Variants in ROS1 observed in about 807,000 individuals in gnomAD.
ROS1 encodes the protein proto-oncogene tyrosine-protein kinase ROS.
ROS1 carries 263 observed loss-of-function variants against 273.5 expected under a neutral mutation model. The observed-to-expected ratio is 0.96, with a 90% confidence interval of 0.87 to 1.06. The LOEUF (loss-of-function observed/expected upper bound fraction) is 1.06, where lower values mean the gene tolerates loss of function less well. Among genes scored for constraint, ROS1 ranks in the 50% least tolerant of loss-of-function variants. ROS1 has a pLI of 0.00. For missense variants in ROS1, 2,833 were observed against 2,751.1 expected (o/e 1.03, Z -0.67); for synonymous variants, 1,008 against 954.1 (o/e 1.06, Z -1.04).
At chr6:117,407,012 C>T (rs1345331225) in intron 5 of ROS1, among the ~76,000 whole-genome samples, 1 of 106,578 alleles carries the variant, frequency 9.4e-6, no homozygotes, top group Non-Finnish European at 1.9e-5. Context: ...CACATCAGTG[C>T]ACAGCTTGGA....
intron 4 of ROS1, among the ~76,000 whole-genome samples, chr6:117,410,664 T>A (rs1486956794): frequency 1.3e-5 from 2 of 152,176 alleles, no homozygotes; most frequent in Non-Finnish European, 2.9e-5. Flanking sequence ...TCTTTCAACT[T>A]GTAACTATAA....
rs2128582242 is a variant in ROS1, at chr6:117,326,375, C to A, written c.5388G>T (p.Arg1796Ser). 1.3e-6 allele frequency: 2 copies of A among 1,561,394 alleles called. No homozygotes were observed. Among genetic ancestry groups the A allele is most frequent in the Non-Finnish European group, 8.6e-7 (1 of 1,162,374 alleles). ...AGGATCCATTAAATGTCATCTTCCA[C>A]CTTAAATTCTGGTTCTGTAAATTAT... is the stretch of plus-strand genomic sequence containing the variant. The part of the protein sequence containing the change: ...TSNNLQNQNL[R>S]WKMTFNGSCS... The change falls in exon 34 of 44, where the codon AGG (arginine) becomes AGT (serine). Residue 1796 changes from arginine (R) to serine (S), a missense_variant. Arg to Ser is a moderately radical substitution (Grantham distance 110). Coordinates refer to ENST00000368507, the MANE Select transcript of ROS1 (RefSeq NM_001378902.1).
At chr6:117,321,234 C>T in intron 36 of ROS1, 25 bp downstream of exon 36, 1 of 1,606,780 alleles carries the variant, frequency 6.2e-7, no homozygotes, top group South Asian at 1.1e-5. Context: ...CTAGGTGCTC[C>T]ATAATGATGG....
At chr6:117,402,731 T>C (rs1774046454) in intron 7 of ROS1, among the ~76,000 whole-genome samples, 1 of 151,384 alleles carries the variant, frequency 6.6e-6, no homozygotes, top group Non-Finnish European at 1.5e-5. Context: ...CCACTAAAAA[T>C]ACAAAAAATT....
chr6:117,321,549 TA>T (rs1256316988), intron 35 of ROS1, among the ~76,000 whole-genome samples, 155 bp from the exon 36 acceptor site: 1 of 152,124 alleles, frequency 6.6e-6, no homozygotes, highest in East Asian at 1.9e-4. Context: ...AAATATCTTA[TA>T]AAAAACTAAT....
intron 43 of ROS1, 68 bp from the exon 44 acceptor site, chr6:117,288,870 A>G: frequency 7.8e-7 from 1 of 1,287,124 alleles, no homozygotes. Context: ...TATACAAGCT[A>G]TATCAGAATT....
In ROS1 at chr6:117,360,345, A is replaced by G. The variant is rs1429075405; in HGVS notation, c.3427T>C (p.Ser1143Pro). The G allele has an allele frequency of 6.2e-7, 1 of 1,612,458 alleles. No homozygotes were observed. The highest frequency in any genetic ancestry group is 1.3e-5 in the African/African-American group (1 of 74,780). The change falls in exon 23 of 44, where the codon TCA becomes CCA. Residue 1143 changes from serine to proline, a missense_variant. Coordinates refer to ENST00000368507, the MANE Select transcript of ROS1 (RefSeq NM_001378902.1). ...ACAGATTTTAGAAAACAAATACCTG[A>G]TGTTGTAGACTTTACAACGTCAGCA... ...PYADVVKSTTSEINPFPHLIT... is the reference protein window; with the variant it reads ...PYADVVKSTTPEINPFPHLIT...
At chr6:117,424,224 TA>T (rs1018059788) in intron 1 of ROS1, among the ~76,000 whole-genome samples, 4 of 152,038 alleles carry the variant, frequency 2.6e-5, no homozygotes, top group Admixed American at 2.0e-4. Context: ...ATTCTGTTTC[TA>T]AAAAAATCTC....
chr6:117,390,245 C>T (rs1261576596), intron 12 of ROS1, among the ~76,000 whole-genome samples: 1 of 152,126 alleles, frequency 6.6e-6, no homozygotes, highest in Non-Finnish European at 1.5e-5. Flanking sequence ...TCCCACACCT[C>T]AGTATCCCAT....
intron 38 of ROS1, 59 bp from the exon 39 acceptor site, chr6:117,317,331 G>T (rs1233166345): frequency 6.4e-7 from 1 of 1,552,878 alleles, no homozygotes; most frequent in Admixed American, 1.9e-5. Flanking sequence ...CCTAGCCGAG[G>T]GTCTTTATGG....
chr6:117,306,012 T>TACAACTCTTC (rs1775068756), intron 42 of ROS1, among the ~76,000 whole-genome samples: 1 of 149,560 alleles, frequency 6.7e-6, no homozygotes, highest in Admixed American at 6.7e-5. Flanking sequence ...GCAAACTCTT[T>TACAACTCTTC]ACAACTCTTC....
chr6:117,406,182 CAT>C (rs758234408), intron 5 of ROS1, among the ~76,000 whole-genome samples: 10 of 151,940 alleles, frequency 6.6e-5, no homozygotes, highest in Non-Finnish European at 1.3e-4. Flanking sequence ...TACACACACA[CAT>C]ATACATGCAT....
intron 43 of ROS1, 112 bp from the exon 44 acceptor site, chr6:117,288,914 A>G (rs1312429989): frequency 1.2e-6 from 1 of 847,024 alleles, no homozygotes; most frequent in African/African-American, 1.7e-5. Flanking sequence ...TTGTTCAGCA[A>G]ACATTTATGA....
At chr6:117,401,822 A>AT (rs760905551) in intron 7 of ROS1, among the ~76,000 whole-genome samples, 5 of 150,980 alleles carry the variant, frequency 3.3e-5, no homozygotes, top group Non-Finnish European at 7.4e-5. Flanking sequence ...AAAAAAAAAA[A>AT]AACAGGAGGT....
At chr6:117,331,954 TA>T (rs1777104380) in intron 32 of ROS1, among the ~76,000 whole-genome samples, 1 of 152,006 alleles carries the variant, frequency 6.6e-6, no homozygotes, top group South Asian at 2.1e-4. Context: ...AATAACCAAA[TA>T]GCATCATGGT....
Position 117,341,288 on chromosome 6 carries a change from T to G in ROS1, c.4908A>C (p.Glu1636Asp), listed in dbSNP as rs758846560. The change falls in exon 31 of 44, where the codon GAA (glutamate) becomes GAC (aspartate). Residue 1636 changes from glutamate (E) to aspartate (D), a missense_variant. Glu to Asp is a conservative substitution (Grantham distance 45). Coordinates refer to ENST00000368507, the MANE Select transcript of ROS1 (RefSeq NM_001378902.1). ...VLKVLACHSE[E>D]MWCTESHPVT... ...CAGGATGACTCTCTGTACACCACAT[T>G]TCCTCAGAGTGGCAGGCAAGAACCT... 1.7e-5 allele frequency: 28 copies of G among 1,613,160 alleles called. No individual in the cohort carries two copies. Among genetic ancestry groups the G allele is most frequent in the Non-Finnish European group, 2.4e-5 (28 of 1,179,626 alleles).
intron 1 of ROS1, among the ~76,000 whole-genome samples, chr6:117,422,082 C>A (rs974594974): frequency 2.0e-5 from 3 of 152,162 alleles, no homozygotes; most frequent in Non-Finnish European, 4.4e-5. Context: ...GTAATCACAG[C>A]TGACAGCATC....
rs769599473 is a variant in ROS1, at chr6:117,394,247, C to A, written c.1106G>T (p.Arg369Ile). The A allele has an allele frequency of 1.9e-5, 30 of 1,610,784 alleles. No individual in the cohort carries two copies. Among genetic ancestry groups the A allele is most frequent in the Admixed American group, 6.7e-5 (4 of 59,512 alleles). The change falls in exon 11 of 44, where the codon AGA (arginine) becomes ATA (isoleucine). Residue 369 changes from arginine to isoleucine, a missense_variant. Transcript: ENST00000368507. ...AANMSDVSDL[R>I]IFYRGSGLIS... ...TAATCCTGAACCTCTGTAAAAAATT[C>A]TCAGGTCAGATACATCAGACATGTT...
chr6:117,308,035 A>G (rs1454681963), intron 42 of ROS1, among the ~76,000 whole-genome samples: 1 of 152,122 alleles, frequency 6.6e-6, no homozygotes, highest in African/African-American at 2.4e-5. Context: ...TTGGCATGCT[A>G]TGGTGCACAT....
Sources: gnomAD v4.1 joint callset for allele counts (sites outside exome capture counted in the v4.1 genomes callset) on GRCh38, gnomAD v4.1.1 for gene constraint, MANE v1.5 for transcripts, NCBI Gene and HGNC (gene_info 2026-07-23, HGNC 2026-07-21) for gene names.